AHCTF1: variants seen among roughly 807,000 people sequenced by gnomAD.
AHCTF1 encodes the protein AT-hook containing transcription factor 1, also known as protein ELYS.
A neutral mutation model predicts 248.4 loss-of-function variants in AHCTF1; 24 were observed. That is an observed-to-expected ratio of 0.10 (90% CI 0.07 to 0.14). The LOEUF (loss-of-function observed/expected upper bound fraction) is 0.14. Among genes scored for constraint, AHCTF1 ranks in the 10% least tolerant of loss-of-function variants. The pLI is 1.00. For synonymous variants in AHCTF1, 786 were observed against 929.8 expected (o/e 0.85, Z 2.81); for missense variants, 2,206 against 2,636.2 (o/e 0.84, Z 3.57).
At chr1:246,927,062 C>T (rs1666978759) in intron 1 of AHCTF1, among the ~76,000 whole-genome samples, 1 of 149,754 alleles carries the variant, frequency 6.7e-6, no homozygotes, top group Non-Finnish European at 1.5e-5. Context: ...CCTGTAGTCC[C>T]AGGTACCCGG....
chr1:246,869,556 T>C (rs937607056), intron 24 of AHCTF1, among the ~76,000 whole-genome samples: 2 of 152,140 alleles, frequency 1.3e-5, no homozygotes, highest in African/African-American at 4.8e-5. Context: ...GACTTTAAAT[T>C]AAAGGCAATC....
At chr1:246,910,914 T>A (rs1227040194) in intron 4 of AHCTF1, among the ~76,000 whole-genome samples, 1 of 152,256 alleles carries the variant, frequency 6.6e-6, no homozygotes, top group Non-Finnish European at 1.5e-5. Context: ...CTGGGGAAGC[T>A]GCAGAACAAT....
At chr1:246,860,840 T>C (rs926501646) in intron 29 of AHCTF1, 59 bp downstream of exon 29, 10 of 1,555,776 alleles carry the variant, frequency 6.4e-6, no homozygotes, top group Non-Finnish European at 7.8e-6. Flanking sequence ...AAAATTCTAT[T>C]ATAAACTTTA....
At chr1:246,873,544 G>A (rs1160475889) in intron 24 of AHCTF1, among the ~76,000 whole-genome samples, 4 of 151,802 alleles carry the variant, frequency 2.6e-5, no homozygotes, top group Non-Finnish European at 5.9e-5. Context: ...GAAAGAATCC[G>A]TCCCAATAAT....
intron 21 of AHCTF1, among the ~76,000 whole-genome samples, chr1:246,880,013 T>C (rs1558242680): frequency 6.6e-6 from 1 of 152,130 alleles, no homozygotes; most frequent in Non-Finnish European, 1.5e-5. Flanking sequence ...CGGTATGCTG[T>C]TTTTATTTGT....
At position 246,876,167 on chromosome 1, in the gene AHCTF1, C is replaced by T. The variant is rs748537598; in HGVS notation, c.2958G>A (p.Leu986=). 5.0e-6 allele frequency: 8 copies of T among 1,597,752 alleles called. No individual in the cohort carries two copies. The highest frequency in any genetic ancestry group is 1.7e-5 in the Admixed American group (1 of 58,736). The part of the protein sequence containing the change: ...INVMNDRDPR[L]RERSLARNSI... Reference sequence around the variant, plus strand: ...AATTTCGAGCCAGTGATCTCTCCCGCAAACGAGGATCACGATCATTCTATT... The same window carrying T: ...AATTTCGAGCCAGTGATCTCTCCCGTAAACGAGGATCACGATCATTCTATT... Residue 986 remains leucine (L), a synonymous_variant, in exon 24 of 36, where the codon TTG becomes TTA. Coordinates refer to ENST00000648844, the MANE Select transcript of AHCTF1 (RefSeq NM_001323342.2).
intron 26 of AHCTF1, among the ~76,000 whole-genome samples, 187 bp downstream of exon 26, chr1:246,867,057 T>G (rs1326067417): frequency 3.9e-5 from 6 of 152,238 alleles, no homozygotes; most frequent in Non-Finnish European, 7.4e-5. Flanking sequence ...GAACAAAAAT[T>G]TTAAGTATAC....
At chr1:246,929,206 C>A (rs1213934783) in intron 1 of AHCTF1, among the ~76,000 whole-genome samples, 1 of 151,862 alleles carries the variant, frequency 6.6e-6, no homozygotes, top group East Asian at 1.9e-4. Context: ...CTCAGGAGTT[C>A]GAGATCACCC....
chr1:246,914,460 T>C (rs949722777), intron 3 of AHCTF1, among the ~76,000 whole-genome samples: 1 of 152,260 alleles, frequency 6.6e-6, no homozygotes, highest in African/African-American at 2.4e-5. Context: ...TATATCAGTA[T>C]ACAAAACATT....
In AHCTF1 at chr1:246,850,724, T is replaced by G. The variant is rs748969270; in HGVS notation, c.5282A>C (p.Asp1761Ala). ...CCCTGGCATCTTAGGAGTAGCAACA[T>G]CTGCTGATGCTTCCTGTTGTGCTGA... ...VKSAQQEASA[D>A]VATPKMPGQS... The change falls in exon 33 of 36, where the codon GAT becomes GCT. Residue 1761 changes from aspartate (D) to alanine (A), a missense_variant. Asp to Ala is a moderately radical substitution (Grantham distance 126). Around this residue, in one of 6 missense-constraint regions of AHCTF1, gnomAD observed 955 missense variants for 1,055.6 expected, o/e 0.90. Transcript: ENST00000648844. 3.1e-6 allele frequency: 5 copies of G among 1,613,814 alleles called. No individual in the cohort carries two copies. In the African/African-American group the frequency reaches 5.3e-5, roughly 17 times the overall value.
chr1:246,854,382 T>C (rs1660952634), intron 31 of AHCTF1, among the ~76,000 whole-genome samples: 3 of 149,948 alleles, frequency 2.0e-5, no homozygotes, highest in South Asian at 2.1e-4. Flanking sequence ...AATACTGACA[T>C]AGAATGTAAT....
chr1:246,891,732 G>A (rs557489543), intron 15 of AHCTF1, 47 bp downstream of exon 15: 1 of 1,588,098 alleles, frequency 6.3e-7, no homozygotes, highest in Admixed American at 1.8e-5. Flanking sequence ...TCTTAGTCAA[G>A]AAGTAAAATT....
chr1:246,909,518 C>T (rs1665651711), intron 4 of AHCTF1, among the ~76,000 whole-genome samples: 1 of 151,954 alleles, frequency 6.6e-6, no homozygotes, highest in Non-Finnish European at 1.5e-5. Flanking sequence ...GTATAAGCCA[C>T]CCTTAGTAGC....
At chr1:246,852,962 T>C (rs1300805454) in intron 32 of AHCTF1, 129 bp downstream of exon 32, 8 of 667,432 alleles carry the variant, frequency 1.2e-5, no homozygotes, top group Non-Finnish European at 2.0e-5. Flanking sequence ...TTTGAACCCA[T>C]ATTTTTATAA....
intron 1 of AHCTF1, among the ~76,000 whole-genome samples, chr1:246,921,416 G>A (rs1666543661): frequency 6.6e-6 from 1 of 152,032 alleles, no homozygotes; most frequent in Non-Finnish European, 1.5e-5. Flanking sequence ...AAATTATTTT[G>A]TACCTACTTA....
intron 26 of AHCTF1, chr1:246,865,218 T>C (rs896867601): frequency 6.6e-6 from 1 of 152,158 alleles, no homozygotes; most frequent in Non-Finnish European, 1.5e-5. Flanking sequence ...GTAAAAACAA[T>C]CCCTTTTTAT....
intron 3 of AHCTF1, among the ~76,000 whole-genome samples, chr1:246,914,785 G>A (rs1215170576): frequency 6.6e-6 from 1 of 152,072 alleles, no homozygotes; most frequent in Non-Finnish European, 1.5e-5. Context: ...CACCAACCAT[G>A]CATTCAACTG....
chr1:246,870,687 C>A (rs994798690), intron 24 of AHCTF1, among the ~76,000 whole-genome samples: 4 of 147,290 alleles, frequency 2.7e-5, no homozygotes, highest in Non-Finnish European at 5.9e-5. Flanking sequence ...AAATACTGTA[C>A]CCTAAACTTT....
At chr1:246,896,408 A>G (rs1370899266) in intron 12 of AHCTF1, among the ~76,000 whole-genome samples, 2 of 152,252 alleles carry the variant, frequency 1.3e-5, no homozygotes, top group African/African-American at 4.8e-5. Flanking sequence ...GATACTTGCT[A>G]TAATACAGAT....
Sources: allele counts gnomAD v4.1 joint callset (sites outside exome capture counted in the v4.1 genomes callset), GRCh38; gene constraint gnomAD v4.1.1; regional missense constraint gnomAD v4.1.1; transcripts MANE v1.5; gene names NCBI Gene and HGNC (gene_info 2026-07-23, HGNC 2026-07-21).